RIMS2: variants seen among roughly 807,000 people sequenced by gnomAD.
The protein encoded by RIMS2 is regulating synaptic membrane exocytosis 2.
RIMS2 carries 59 observed loss-of-function variants against 174.4 expected under a neutral mutation model. That is an observed-to-expected ratio of 0.34 (90% CI 0.27 to 0.42). The LOEUF (loss-of-function observed/expected upper bound fraction) is 0.42, where lower values mean the gene tolerates loss of function less well. Ranked by LOEUF, RIMS2 falls within the 10% of genes least tolerant of loss-of-function variation. The pLI, the probability that RIMS2 is intolerant of heterozygous loss-of-function variation, is 1.00. For missense variants in RIMS2, 1,620 were observed against 1,666.3 expected (o/e 0.97, Z 0.48); for synonymous variants, 606 against 572.5 (o/e 1.06, Z -0.84).
chr8:104,193,481 C>G (rs2136488743), intron 19 of RIMS2, among the ~76,000 whole-genome samples: 1 of 152,214 alleles, frequency 6.6e-6, no homozygotes, highest in Admixed American at 6.6e-5. Flanking sequence ...TTTATGGAGT[C>G]GACCCTTCAA....
intron 19 of RIMS2, among the ~76,000 whole-genome samples, chr8:104,107,969 C>A (rs541947662): frequency 7.4e-5 from 6 of 80,740 alleles, no homozygotes; most frequent in South Asian, 4.1e-4. Context: ...TTTCCCCTGC[C>A]CCCCCCCCAC....
intron 3 of RIMS2, among the ~76,000 whole-genome samples, chr8:103,812,331 GTTTTTTTTTTT>G (rs71575985): frequency 2.7e-5 from 3 of 111,612 alleles, no homozygotes; most frequent in African/African-American, 9.9e-5. Flanking sequence ...TTATTACCTT[GTTTTTTTTTTT>G]TTTTTTTTTT....
intron 19 of RIMS2, among the ~76,000 whole-genome samples, chr8:104,202,714 GC>G (rs1157414267): frequency 1.3e-5 from 2 of 152,170 alleles, no homozygotes; most frequent in Non-Finnish European, 2.9e-5. Context: ...TTGGGCTAGG[GC>G]CCCATTTTAA....
intron 3 of RIMS2, among the ~76,000 whole-genome samples, chr8:103,791,905 G>T (rs573650930): frequency 6.6e-6 from 1 of 151,554 alleles, no homozygotes; most frequent in Non-Finnish European, 1.5e-5. Flanking sequence ...ATACAGGATC[G>T]CCCAGATTCA....
chr8:103,649,471 A>G (rs1442498169), intron 1 of RIMS2, among the ~76,000 whole-genome samples: 1 of 151,826 alleles, frequency 6.6e-6, no homozygotes, highest in African/African-American at 2.4e-5. Flanking sequence ...TATTTCCTGG[A>G]TTTGAATGTT....
chr8:103,752,770 T>G (rs565477820), intron 2 of RIMS2, among the ~76,000 whole-genome samples: 7 of 152,338 alleles, frequency 4.6e-5, no homozygotes, highest in African/African-American at 1.7e-4. Flanking sequence ...TTGTGATTTT[T>G]GTACATTGAT....
chr8:103,785,583 T>C lies in RIMS2; in HGVS notation c.698+19046T>C, dbSNP rs199689541. On this transcript the variant is annotated intron_variant, in intron 3 of 23. Transcript: ENST00000504942. ...ATGCTGGATTACATTTATTGATTTG[T>C]GTATATTGAGCCAGCCTTGCATCCC... Among the ~76,000 whole-genome samples, 905 of 152,148 alleles carry C rather than the reference T, an allele frequency of 5.9e-3. 11 individuals carry two copies. The highest frequency in any genetic ancestry group is 0.021 in the African/African-American group (856 of 41,482).
chr8:104,153,276 A>G (rs1228367275), intron 19 of RIMS2, among the ~76,000 whole-genome samples: 1 of 152,138 alleles, frequency 6.6e-6, no homozygotes, highest in East Asian at 1.9e-4. Flanking sequence ...GGGAATAAGG[A>G]GACTTGAATT....
chr8:103,809,764 A>T (rs1169162014), intron 3 of RIMS2, among the ~76,000 whole-genome samples: 1 of 152,106 alleles, frequency 6.6e-6, no homozygotes, highest in African/African-American at 2.4e-5. Context: ...CATATTACTG[A>T]TGAGAGGATA....
intron 3 of RIMS2, among the ~76,000 whole-genome samples, chr8:103,789,083 G>C (rs1484065633): frequency 6.6e-6 from 1 of 152,316 alleles, no homozygotes; most frequent in East Asian, 1.9e-4. Flanking sequence ...GGAACTCCCT[G>C]ACCCATTGCG....
At chr8:104,175,615 A>G (rs978850606) in intron 19 of RIMS2, among the ~76,000 whole-genome samples, 3 of 152,180 alleles carry the variant, frequency 2.0e-5, no homozygotes, top group Admixed American at 1.3e-4. Flanking sequence ...TAAGAAACAC[A>G]ATGACTTCTC....
chr8:103,778,122 T>A (rs1192764414), intron 3 of RIMS2, among the ~76,000 whole-genome samples: 1 of 152,052 alleles, frequency 6.6e-6, no homozygotes, highest in Non-Finnish European at 1.5e-5. Context: ...CATTTATGTA[T>A]TTTTGATTTT....
intron 19 of RIMS2, among the ~76,000 whole-genome samples, chr8:104,119,042 C>T (rs958132749): frequency 1.3e-5 from 2 of 151,790 alleles, no homozygotes; most frequent in Non-Finnish European, 2.9e-5. Context: ...CATATGTGTC[C>T]GGGCACGGAC....
At chr8:103,626,082 A>G (rs1205791597) in intron 1 of RIMS2, among the ~76,000 whole-genome samples, 2 of 152,166 alleles carry the variant, frequency 1.3e-5, no homozygotes, top group Non-Finnish European at 2.9e-5. Context: ...TAAGTGAATT[A>G]TAAATTTCTT....
intron 3 of RIMS2, among the ~76,000 whole-genome samples, chr8:103,869,160 T>C (rs1425066047): frequency 6.6e-6 from 1 of 151,854 alleles, no homozygotes; most frequent in Non-Finnish European, 1.5e-5. Flanking sequence ...AGAGCTACTG[T>C]TGATGTCCAC....
intron 3 of RIMS2, among the ~76,000 whole-genome samples, chr8:103,811,085 C>T (rs543327451): frequency 6.6e-6 from 1 of 151,976 alleles, no homozygotes; most frequent in East Asian, 1.9e-4. Flanking sequence ...TCTTGAAGTT[C>T]CAGGGCTATA....
chr8:104,195,804 T>C (rs918524681), intron 19 of RIMS2, among the ~76,000 whole-genome samples: 17 of 152,160 alleles, frequency 1.1e-4, no homozygotes, highest in Non-Finnish European at 2.2e-4. Context: ...TGAGCCACCG[T>C]GCCCCACCTT....
intron 3 of RIMS2, among the ~76,000 whole-genome samples, chr8:103,847,706 A>T (rs974922050): frequency 3.3e-5 from 5 of 152,002 alleles, no homozygotes; most frequent in Non-Finnish European, 7.4e-5. Flanking sequence ...TTATCACCAG[A>T]TGTCCAGTTG....
chr8:104,035,934 A>G (rs1165309329), intron 19 of RIMS2, among the ~76,000 whole-genome samples: 5 of 152,234 alleles, frequency 3.3e-5, no homozygotes, highest in African/African-American at 9.6e-5. Flanking sequence ...TACTACTAGT[A>G]TCTTAAGAAG....
Sources: allele counts gnomAD v4.1 joint callset (sites outside exome capture counted in the v4.1 genomes callset), GRCh38; gene constraint gnomAD v4.1.1; transcripts MANE v1.5; gene names NCBI Gene and HGNC (gene_info 2026-07-23, HGNC 2026-07-21).